Variants in CCDC12 observed in about 807,000 individuals in gnomAD.
The protein encoded by CCDC12 is coiled-coil domain containing 12, also known as coiled-coil domain-containing protein 12.
A neutral mutation model predicts 25.7 loss-of-function variants in CCDC12; 28 were observed. That is an observed-to-expected ratio of 1.09 (90% CI 0.81 to 1.50). The LOEUF (loss-of-function observed/expected upper bound fraction) is 1.50, where lower values mean the gene tolerates loss of function less well. Ranked by LOEUF, CCDC12 falls within the 40% of genes most tolerant of loss-of-function variation. The pLI is 0.00. For synonymous variants in CCDC12, 75 were observed against 87.7 expected (o/e 0.86, Z 0.81); for missense variants, 198 against 210.0 (o/e 0.94, Z 0.35).
At chr3:46,945,723 A>C (rs1477052578) in intron 1 of CCDC12, among the ~76,000 whole-genome samples, 1 of 152,200 alleles carries the variant, frequency 6.6e-6, no homozygotes, top group Non-Finnish European at 1.5e-5. Flanking sequence ...TTCTCCAGCC[A>C]GTGTTATTAA....
intron 1 of CCDC12, among the ~76,000 whole-genome samples, chr3:46,957,543 T>G (rs2034328186): frequency 6.6e-6 from 1 of 152,228 alleles, no homozygotes; most frequent in Admixed American, 6.5e-5. Flanking sequence ...TGGCTACACA[T>G]GGCCATTTAT....
In CCDC12 at chr3:46,921,957, A is replaced by T; in HGVS notation, c.*100T>A. ...TGATGGGCAGGGAGTCTCTGCTCAG[A>T]AGCCAAACTGGAGGTGATGGCAAGC... On this transcript the variant is annotated 3_prime_UTR_variant, in exon 7 of 7. Coordinates refer to ENST00000683445, the MANE Select transcript of CCDC12 (RefSeq NM_001277074.2). 2 of 1,309,158 alleles carry T rather than the reference A, an allele frequency of 1.5e-6. No homozygotes were observed. The highest frequency in any genetic ancestry group is 4.7e-5 in the East Asian group (2 of 42,780). The allele number at this position is 1,309,158 out of a possible 1,614,324, so 81.1% of individuals were successfully genotyped here. A position where few individuals can be genotyped will look rare whatever the true frequency, so the allele number is the denominator to read the frequency against.
intron 2 of CCDC12, among the ~76,000 whole-genome samples, chr3:46,928,204 G>A (rs2033055989): frequency 1.3e-5 from 2 of 151,838 alleles, no homozygotes; most frequent in African/African-American, 2.4e-5. Flanking sequence ...AGCTGAGATC[G>A]CACCACTGCA....
At chr3:46,976,559 C>A in intron 1 of CCDC12, 78 bp downstream of exon 1, 2 of 1,537,432 alleles carry the variant, frequency 1.3e-6, no homozygotes, top group Non-Finnish European at 1.8e-6. Context: ...TCCTTATTAG[C>A]CCTTTGCTCT....
At chr3:46,932,848 G>A (rs1417048572) in intron 2 of CCDC12, among the ~76,000 whole-genome samples, 1 of 152,206 alleles carries the variant, frequency 6.6e-6, no homozygotes, top group Non-Finnish European at 1.5e-5. Context: ...GCCACCTCTC[G>A]AGACCACCCT....
At chr3:46,928,053 A>G (rs1201338906) in intron 2 of CCDC12, among the ~76,000 whole-genome samples, 1 of 152,202 alleles carries the variant, frequency 6.6e-6, no homozygotes, top group African/African-American at 2.4e-5. Context: ...GTTTGAGCCC[A>G]GCCTGGCCAA....
intron 1 of CCDC12, among the ~76,000 whole-genome samples, chr3:46,957,960 TACACACACACACAC>T (rs367926661): frequency 9.3e-5 from 6 of 64,770 alleles, no homozygotes; most frequent in South Asian, 1.4e-3. Flanking sequence ...AAAAAATAAA[TACACACACACACAC>T]ACACACACAC....
chr3:46,965,408 C>A (rs2034609401), intron 1 of CCDC12, among the ~76,000 whole-genome samples: 1 of 152,146 alleles, frequency 6.6e-6, no homozygotes, highest in African/African-American at 2.4e-5. Context: ...GCCTCTTCTG[C>A]TACATGGAGG....
intron 2 of CCDC12, among the ~76,000 whole-genome samples, chr3:46,925,834 G>T (rs1161926591): frequency 6.6e-6 from 1 of 152,222 alleles, no homozygotes; most frequent in East Asian, 1.9e-4. Flanking sequence ...TGTCTCTCCT[G>T]GATCATCCCA....
At chr3:46,946,749 C>G (rs931727612) in intron 1 of CCDC12, among the ~76,000 whole-genome samples, 6 of 152,188 alleles carry the variant, frequency 3.9e-5, no homozygotes, top group East Asian at 1.9e-4. Flanking sequence ...CTGCTGCTGT[C>G]TGTGTGTCTG....
chr3:46,933,798 GAT>G (rs1273883564), intron 2 of CCDC12, among the ~76,000 whole-genome samples: 1 of 152,132 alleles, frequency 6.6e-6, no homozygotes, highest in African/African-American at 2.4e-5. Flanking sequence ...TTTACCAAAA[GAT>G]AGTCATGACA....
chr3:46,978,318 CA>C (rs2035071203), upstream of CCDC12, among the ~76,000 whole-genome samples: 2 of 152,184 alleles, frequency 1.3e-5, no homozygotes, highest in Non-Finnish European at 2.9e-5. Context: ...TGAAGCAGGA[CA>C]AAAGGCCAGA....
At chr3:46,927,590 T>C (rs190804256) in intron 2 of CCDC12, among the ~76,000 whole-genome samples, 1 of 152,296 alleles carries the variant, frequency 6.6e-6, no homozygotes, top group East Asian at 1.9e-4. Context: ...TTGCGCCCAC[T>C]GTGCCCTGCC....
intron 1 of CCDC12, among the ~76,000 whole-genome samples, chr3:46,958,918 C>G (rs752705542): frequency 1.3e-5 from 2 of 152,150 alleles, no homozygotes; most frequent in South Asian, 2.1e-4. Context: ...GTATGAAATG[C>G]AAAATTCTTT....
intron 2 of CCDC12, among the ~76,000 whole-genome samples, chr3:46,925,991 G>A (rs1165433178): frequency 6.6e-6 from 1 of 152,256 alleles, no homozygotes; most frequent in African/African-American, 2.4e-5. Flanking sequence ...AAAAGAGAAG[G>A]CCAGTGGTCA....
At chr3:46,981,347 CAGG>C (rs1336046000), upstream of CCDC12, among the ~76,000 whole-genome samples, 1 of 152,154 alleles carries the variant, frequency 6.6e-6, no homozygotes, top group African/African-American at 2.4e-5. Context: ...GAGGCTGAGG[CAGG>C]AGAATCGCTT....
At chr3:46,923,872 C>T in intron 3 of CCDC12, 1 of 415,460 alleles carries the variant, frequency 2.4e-6, no homozygotes, top group African/African-American at 2.0e-5. Context: ...TGAAGCATTC[C>T]CCACAGGCCA....
At chr3:46,930,744 C>G (rs973703943) in intron 2 of CCDC12, among the ~76,000 whole-genome samples, 1 of 152,208 alleles carries the variant, frequency 6.6e-6, no homozygotes, top group Admixed American at 6.5e-5. Flanking sequence ...CCGTCCATCA[C>G]GCTTAAAGAG....
rs148702948 is a variant in CCDC12, at chr3:46,966,542, A to C, written c.96+10095T>G. On this transcript the variant is annotated intron_variant, in intron 1 of 6. Transcript: ENST00000683445. ...AAAAAAAAAAGAAAGAAAGAAAGAA[A>C]GAACGAAAGAAAAGGGCTAGAGTTG... Among the ~76,000 whole-genome samples, 615 of 152,130 alleles carry C rather than the reference A, an allele frequency of 4.0e-3. 3 individuals carry two copies. The highest frequency in any genetic ancestry group is 0.014 in the African/African-American group (580 of 41,478).
Sources: gnomAD v4.1 joint callset for allele counts (sites outside exome capture counted in the v4.1 genomes callset) on GRCh38, gnomAD v4.1.1 for gene constraint, MANE v1.5 for transcripts, NCBI Gene and HGNC (gene_info 2026-07-23, HGNC 2026-07-21) for gene names.